HPSE2: variants seen among roughly 807,000 people sequenced by gnomAD.
HPSE2 encodes the protein heparanase 2 (inactive).
In HPSE2, 38 loss-of-function variants were observed where a neutral mutation model predicts 60.5. That is an observed-to-expected ratio of 0.63 (90% CI 0.48 to 0.82). The LOEUF is 0.82. Among genes scored for constraint, HPSE2 ranks in the 40% least tolerant of loss-of-function variants. The probability of loss-of-function intolerance (pLI) is 0.00; values close to 1 mark genes in which losing one functional copy is unlikely to be tolerated. For synonymous variants in HPSE2, 295 were observed against 293.2 expected, an observed-to-expected ratio of 1.01 and a Z score of -0.06; for missense variants, 713 against 740.4, an observed-to-expected ratio of 0.96 and a Z score of 0.43.
chr10:99,088,668 T>C (rs755921507), intron 3 of HPSE2, among the ~76,000 whole-genome samples: 6 of 152,342 alleles, frequency 3.9e-5, no homozygotes, highest in East Asian at 1.9e-4. Flanking sequence ...TAAACATGCA[T>C]GTGCAAGTAT....
intron 3 of HPSE2, among the ~76,000 whole-genome samples, chr10:98,960,701 C>CTTTTTTTTTTTTTTTTTTTTTTTTTTTTT: frequency 7.0e-4 from 40 of 57,518 alleles, no homozygotes; most frequent in East Asian, 1.5e-3. Context: ...ATGTACATTT[C>CTTTTTTTTTTTTTTTTTTTTTTTTTTTTT]TTTTTTTTTT....
chr10:99,144,347 G>A lies in HPSE2; in HGVS notation c.501C>T (p.Ala167=). ...ALDKQKGCKI[A]QHPDVMLELQ... ...GCTCCAGCATAACATCAGGGTGCTG[G>A]GCAATCTTGCAGCCTTTCTGTTTAT... is the stretch of plus-strand genomic sequence containing the variant. Residue 167 remains alanine (A), a synonymous_variant, in exon 3 of 12, where the codon GCC becomes GCT. Coordinates refer to ENST00000370552, the MANE Select transcript of HPSE2 (RefSeq NM_021828.5). 1 of 1,614,020 alleles carries A rather than the reference G, an allele frequency of 6.2e-7. No homozygotes were observed. Among genetic ancestry groups the A allele is most frequent in the Non-Finnish European group, 8.5e-7 (1 of 1,179,990 alleles).
At chr10:98,900,594 T>C (rs1205443067) in intron 3 of HPSE2, among the ~76,000 whole-genome samples, 1 of 152,182 alleles carries the variant, frequency 6.6e-6, no homozygotes. Flanking sequence ...CACTTTTAAG[T>C]GCAGCTTATT....
chr10:99,135,374 G>GT (rs895881793), intron 3 of HPSE2, among the ~76,000 whole-genome samples: 1 of 152,126 alleles, frequency 6.6e-6, no homozygotes, highest in Non-Finnish European at 1.5e-5. Context: ...GACATCTCCA[G>GT]AACTCTCCAC....
At chr10:98,545,319 C>T (rs1390188421) in intron 9 of HPSE2, among the ~76,000 whole-genome samples, 2 of 152,098 alleles carry the variant, frequency 1.3e-5, no homozygotes, top group African/African-American at 2.4e-5. Flanking sequence ...CCAGCATCAT[C>T]CTGATACCAA....
chr10:99,307,726 G>A, the HPSE2 span, among the ~76,000 whole-genome samples: 10 of 152,094 alleles, frequency 6.6e-5, no homozygotes. Flanking sequence ...TTACCATGGG[G>A]TATGCCCTTG....
At chr10:98,637,936 C>A (rs1365939461) in intron 7 of HPSE2, among the ~76,000 whole-genome samples, 1 of 150,970 alleles carries the variant, frequency 6.6e-6, no homozygotes, top group Non-Finnish European at 1.5e-5. Flanking sequence ...CTCAAGAGTT[C>A]AAGACAAGCC....
At chr10:98,543,354 G>A (rs1439920767) in intron 9 of HPSE2, among the ~76,000 whole-genome samples, 1 of 152,034 alleles carries the variant, frequency 6.6e-6, no homozygotes, top group African/African-American at 2.4e-5. Flanking sequence ...GGAACAACCG[G>A]TACCAGCCGC....
intron 3 of HPSE2, among the ~76,000 whole-genome samples, chr10:98,884,453 T>C (rs1023037177): frequency 1.3e-5 from 2 of 152,136 alleles, no homozygotes; most frequent in African/African-American, 4.8e-5. Context: ...GCTTCAAAGC[T>C]TCAAAGGATA....
chr10:98,642,078 A>G, intron 6 of HPSE2, 138 bp from the exon 7 acceptor site: 1 of 731,582 alleles, frequency 1.4e-6, no homozygotes, highest in Non-Finnish European at 2.4e-6. Flanking sequence ...AAAGGTTTTG[A>G]ACCTGGGTAC....
chr10:99,174,710 G>A (rs1847453236), intron 2 of HPSE2, among the ~76,000 whole-genome samples: 1 of 152,184 alleles, frequency 6.6e-6, no homozygotes, highest in Non-Finnish European at 1.5e-5. Context: ...CGGTACCTGA[G>A]AACATGATTG....
chr10:99,200,896 T>C (rs943313092), intron 2 of HPSE2, among the ~76,000 whole-genome samples: 1 of 152,162 alleles, frequency 6.6e-6, no homozygotes, highest in African/African-American at 2.4e-5. Flanking sequence ...CAAAAGTACT[T>C]CCTACCCATG....
At chr10:98,937,347 A>G (rs1954831635) in intron 3 of HPSE2, among the ~76,000 whole-genome samples, 1 of 144,588 alleles carries the variant, frequency 6.9e-6, no homozygotes, top group South Asian at 2.1e-4. Flanking sequence ...GAAAGGGGTG[A>G]CAGACGGCAC....
Position 99,097,785 on chromosome 10 carries a change from G to A in HPSE2, c.610+46453C>T, listed in dbSNP as rs116748502. Among the ~76,000 whole-genome samples, 1,122 of 152,096 alleles carry A rather than the reference G, an allele frequency of 7.4e-3. 8 individuals are homozygous for A. Among genetic ancestry groups the A allele is most frequent in the African/African-American group, 0.023 (970 of 41,488 alleles). On this transcript the variant is annotated intron_variant, in intron 3 of 11. Transcript: ENST00000370552. The stretch of plus-strand genomic sequence containing the variant: ...CTACGAACTAGATAGAAATTATCTC[G>A]TTTTATAGATAAGACAATGGGTTTA...
intron 9 of HPSE2, among the ~76,000 whole-genome samples, chr10:98,497,571 G>T (rs1216310005): frequency 2.6e-5 from 4 of 151,408 alleles, no homozygotes; most frequent in African/African-American, 9.7e-5. Context: ...TTATTATTTT[G>T]TTCAAACTTT....
chr10:98,599,431 A>G (rs1945336896), intron 9 of HPSE2, among the ~76,000 whole-genome samples: 1 of 152,072 alleles, frequency 6.6e-6, no homozygotes. Flanking sequence ...GCCCAGGACC[A>G]CTAGGGCCAG....
intron 3 of HPSE2, among the ~76,000 whole-genome samples, chr10:98,978,657 T>C (rs1956140387): frequency 6.6e-6 from 1 of 152,212 alleles, no homozygotes; most frequent in South Asian, 2.1e-4. Flanking sequence ...ATATACAGTA[T>C]TAAAGCATGT....
intron 9 of HPSE2, among the ~76,000 whole-genome samples, chr10:98,496,661 A>G (rs1941850060): frequency 6.6e-6 from 1 of 152,250 alleles, no homozygotes; most frequent in Non-Finnish European, 1.5e-5. Context: ...AGACTTTAAT[A>G]GACCTTAGAG....
intron 4 of HPSE2, among the ~76,000 whole-genome samples, chr10:98,736,283 G>A (rs1031572692): frequency 6.6e-6 from 1 of 151,730 alleles, no homozygotes; most frequent in Non-Finnish European, 1.5e-5. Flanking sequence ...ATGATTGTGA[G>A]GCCACCCCAG....
Sources: gnomAD v4.1 joint callset for allele counts (sites outside exome capture counted in the v4.1 genomes callset) on GRCh38, gnomAD v4.1.1 for gene constraint, MANE v1.5 for transcripts, NCBI Gene and HGNC (gene_info 2026-07-23, HGNC 2026-07-21) for gene names.